The following NRXN3 variants were observed in gnomAD, a reference collection of about 807,000 sequenced individuals.
NRXN3 encodes neurexin 3, also known as neurexin III.
NRXN3 carries 32 observed loss-of-function variants against 137.6 expected under a neutral mutation model. The ratio of observed to expected loss-of-function variants is 0.23; its 90% confidence interval spans 0.18 to 0.31. The LOEUF (loss-of-function observed/expected upper bound fraction) is 0.31, where lower values mean the gene tolerates loss of function less well. Among genes scored for constraint, NRXN3 ranks in the 10% least tolerant of loss-of-function variants. The probability of loss-of-function intolerance (pLI) is 1.00; values close to 1 mark genes in which losing one functional copy is unlikely to be tolerated. For synonymous variants in NRXN3, 798 were observed against 784.5 expected (o/e 1.02, Z -0.29); for missense variants, 1,574 against 2,062.5 (o/e 0.76, Z 4.59).
chr14:79,091,023 C>G (rs1394576804), intron 15 of NRXN3, among the ~76,000 whole-genome samples: 1 of 151,642 alleles, frequency 6.6e-6, no homozygotes, highest in African/African-American at 2.4e-5. Flanking sequence ...AGAACTCGTG[C>G]CCAAATTCCT....
intron 8 of NRXN3, among the ~76,000 whole-genome samples, chr14:78,735,239 G>T (rs1205655244): frequency 6.6e-6 from 1 of 152,168 alleles, no homozygotes; most frequent in African/African-American, 2.4e-5. Flanking sequence ...GTAAGAGAAA[G>T]AAAAGGACAA....
At chr14:79,826,705 A>C (rs558217626) in intron 20 of NRXN3, among the ~76,000 whole-genome samples, 1 of 152,184 alleles carries the variant, frequency 6.6e-6, no homozygotes, top group East Asian at 1.9e-4. Context: ...CTTTGGGATT[A>C]TTTTTTTCCC....
intron 19 of NRXN3, among the ~76,000 whole-genome samples, chr14:79,709,076 C>T (rs992018693): frequency 6.6e-6 from 1 of 152,036 alleles, no homozygotes; most frequent in South Asian, 2.1e-4. Context: ...TGTGTGTATA[C>T]AGATCACCTG....
At chr14:78,794,023 A>G (rs967080669) in intron 8 of NRXN3, among the ~76,000 whole-genome samples, 2 of 152,182 alleles carry the variant, frequency 1.3e-5, no homozygotes, top group African/African-American at 4.8e-5. Context: ...GTCAAAGAAT[A>G]ATGTTCTCAT....
intron 16 of NRXN3, among the ~76,000 whole-genome samples, chr14:79,539,423 C>G (rs2097250918): frequency 2.6e-5 from 4 of 152,178 alleles, no homozygotes; most frequent in Admixed American, 2.6e-4. Context: ...TTGGTCAAAG[C>G]AAGAAGGTAT....
chr14:78,926,662 T>TTA (rs1184774901), intron 10 of NRXN3, among the ~76,000 whole-genome samples: 81 of 96,626 alleles, frequency 8.4e-4, no homozygotes, highest in African/African-American at 2.9e-3. Context: ...TATATATTTA[T>TTA]TATATATATA....
chr14:78,348,854 G>A lies in NRXN3; in HGVS notation c.757+50994G>A, dbSNP rs147155330. Among the ~76,000 whole-genome samples the A allele has an allele frequency of 5.2e-3, 787 of 152,250 alleles. 4 individuals are homozygous for A. Among genetic ancestry groups the A allele is most frequent in the African/African-American group, 0.018 (753 of 41,528 alleles). On this transcript the variant is annotated intron_variant, in intron 4 of 20. Coordinates refer to ENST00000335750, the MANE Select transcript of NRXN3 (RefSeq NM_001330195.2). ...AGTAGCTGGTGAGGGTAGGATATTT[G>A]CAGGTGCTGGACTCCAGAGGCTGTC...
At chr14:79,157,851 G>T (rs552340621) in intron 15 of NRXN3, among the ~76,000 whole-genome samples, 1 of 151,796 alleles carries the variant, frequency 6.6e-6, no homozygotes, top group Non-Finnish European at 1.5e-5. Context: ...TTAGGCTTGA[G>T]AAGCATTTTA....
chr14:79,110,624 A>G (rs2053301651), intron 15 of NRXN3, among the ~76,000 whole-genome samples: 1 of 152,178 alleles, frequency 6.6e-6, no homozygotes, highest in African/African-American at 2.4e-5. Context: ...TAGTTTAGTT[A>G]ATATGATGCA....
chr14:79,853,014 T>C (rs990499440), intron 20 of NRXN3, among the ~76,000 whole-genome samples: 1 of 152,182 alleles, frequency 6.6e-6, no homozygotes, highest in African/African-American at 2.4e-5. Flanking sequence ...CAACTTCAGC[T>C]GCAGAATCCT....
intron 10 of NRXN3, among the ~76,000 whole-genome samples, chr14:78,919,986 A>T (rs2099266627): frequency 6.6e-6 from 1 of 152,248 alleles, no homozygotes; most frequent in African/African-American, 2.4e-5. Flanking sequence ...TTTGTAGCAT[A>T]GCATTCTACA....
At chr14:79,406,409 C>A (rs1486263081) in intron 15 of NRXN3, among the ~76,000 whole-genome samples, 1 of 152,022 alleles carries the variant, frequency 6.6e-6, no homozygotes, top group Non-Finnish European at 1.5e-5. Flanking sequence ...GGCTCAGATC[C>A]TTCCACCTCA....
At chr14:79,844,655 A>C (rs1296753120) in intron 20 of NRXN3, among the ~76,000 whole-genome samples, 1 of 152,184 alleles carries the variant, frequency 6.6e-6, no homozygotes, top group Non-Finnish European at 1.5e-5. Context: ...TAAAATATTT[A>C]GTAAACCATG....
intron 3 of NRXN3, among the ~76,000 whole-genome samples, chr14:78,285,883 G>C (rs910548536): frequency 6.6e-6 from 1 of 152,138 alleles, no homozygotes; most frequent in Non-Finnish European, 1.5e-5. Context: ...CCTCAGCTGG[G>C]CTAACAGTGC....
intron 4 of NRXN3, among the ~76,000 whole-genome samples, chr14:78,523,996 T>A (rs943911314): frequency 6.6e-6 from 1 of 152,092 alleles, no homozygotes; most frequent in Non-Finnish European, 1.5e-5. Context: ...GCCCAATCAA[T>A]GTCCTGGGTT....
chr14:79,121,697 G>GA (rs1435427071), intron 15 of NRXN3, among the ~76,000 whole-genome samples: 1 of 152,224 alleles, frequency 6.6e-6, no homozygotes, highest in Non-Finnish European at 1.5e-5. Flanking sequence ...AAGAACTCAT[G>GA]AGATTGGTCA....
At chr14:78,293,906 G>T (rs1320038030) in intron 3 of NRXN3, among the ~76,000 whole-genome samples, 1 of 152,140 alleles carries the variant, frequency 6.6e-6, no homozygotes, top group Non-Finnish European at 1.5e-5. Flanking sequence ...CAGTGTCCTG[G>T]TTGCTTCTGA....
chr14:78,539,874 C>T (rs58912528), intron 4 of NRXN3, among the ~76,000 whole-genome samples: 223 of 152,306 alleles, frequency 1.5e-3, no homozygotes, highest in African/African-American at 5.0e-3. Context: ...ACCCAGTAGT[C>T]ATTCAGGAGC....
chr14:78,357,695 A>AT (rs1477670033), intron 4 of NRXN3, among the ~76,000 whole-genome samples: 1 of 152,156 alleles, frequency 6.6e-6, no homozygotes, highest in East Asian at 1.9e-4. Flanking sequence ...AAGCTAGGTG[A>AT]TTTTAATCAT....
Sources: allele counts gnomAD v4.1 joint callset (sites outside exome capture counted in the v4.1 genomes callset), GRCh38; gene constraint gnomAD v4.1.1; transcripts MANE v1.5; gene names NCBI Gene and HGNC (gene_info 2026-07-23, HGNC 2026-07-21).